ATXN7L1: variants seen among roughly 807,000 people sequenced by gnomAD.
ATXN7L1 encodes the protein ataxin 7 like 1.
A neutral mutation model predicts 70.8 loss-of-function variants in ATXN7L1; 15 were observed. That is an observed-to-expected ratio of 0.21 (90% CI 0.14 to 0.33). The LOEUF is 0.33. ATXN7L1 is among the 10% of genes least tolerant of loss of function. The pLI, the probability that ATXN7L1 is intolerant of heterozygous loss-of-function variation, is 1.00. For missense variants in ATXN7L1, 975 were observed against 1,097.1 expected (o/e 0.89, Z 1.57); for synonymous variants, 440 against 445.1 (o/e 0.99, Z 0.14).
intron 3 of ATXN7L1, among the ~76,000 whole-genome samples, chr7:105,757,757 A>AT (rs5886368): frequency 0.39 from 56,390 of 143,994 alleles, 12,620 homozygotes; most frequent in African/African-American, 0.62. Flanking sequence ...TAATTTTGAC[A>AT]TTTTTTTTTT....
intron 3 of ATXN7L1, among the ~76,000 whole-genome samples, chr7:105,708,994 C>T (rs1318564469): frequency 6.6e-6 from 1 of 152,160 alleles, no homozygotes; most frequent in Non-Finnish European, 1.5e-5. Flanking sequence ...AAATGCAGAT[C>T]CTTATTCTGT....
chr7:105,622,865 C>T lies in ATXN7L1; in HGVS notation c.1395+1210G>A, dbSNP rs574416717. Among the ~76,000 whole-genome samples, 53 of 152,252 alleles carry T rather than the reference C, an allele frequency of 3.5e-4. 1 individual carries two copies. The highest frequency in any genetic ancestry group is 2.4e-3 in the Admixed American group (36 of 15,294). On this transcript the variant is annotated intron_variant, in intron 8 of 11. Transcript: ENST00000419735. ...ACACCACTGGGTGAGGATGTAATAT[C>T]GGAGCAGCAGCTGACGTACAGGGAC...
At chr7:105,862,793 T>C (rs1333765876) in intron 2 of ATXN7L1, among the ~76,000 whole-genome samples, 1 of 152,138 alleles carries the variant, frequency 6.6e-6, no homozygotes, top group Non-Finnish European at 1.5e-5. Context: ...TCCCAGTTAA[T>C]GGAGAATGGG....
intron 3 of ATXN7L1, among the ~76,000 whole-genome samples, chr7:105,757,853 G>C (rs1213650403): frequency 6.6e-6 from 1 of 151,520 alleles, no homozygotes; most frequent in African/African-American, 2.4e-5. Flanking sequence ...GCCTCCAAAA[G>C]TACTGGGATT....
At chr7:105,800,364 G>T (rs991102046) in intron 2 of ATXN7L1, among the ~76,000 whole-genome samples, 2 of 152,052 alleles carry the variant, frequency 1.3e-5, no homozygotes, top group Admixed American at 6.5e-5. Flanking sequence ...ATCCTTCAAG[G>T]TCCAGCTTGG....
At position 105,772,316 on chromosome 7, in the gene ATXN7L1, C is replaced by T. The variant is rs376974983; in HGVS notation, c.355+16288G>A. 1.8e-4 allele frequency among the ~76,000 whole-genome samples: 27 copies of T among 152,138 alleles called. 1 individual carries two copies. The East Asian group carries it at 1.9e-3, about 11-fold the overall frequency. On this transcript the variant is annotated intron_variant, in intron 3 of 11. Coordinates refer to ENST00000419735, the MANE Select transcript of ATXN7L1 (RefSeq NM_020725.2). ...CTTGAACTCCTGACGTCAGGTGATCCGCCTGCCTAGGCCTCCCAAAGTGCT... is the reference window on the plus strand; with the variant it reads ...CTTGAACTCCTGACGTCAGGTGATCTGCCTGCCTAGGCCTCCCAAAGTGCT...
intron 3 of ATXN7L1, among the ~76,000 whole-genome samples, chr7:105,672,910 C>G (rs1803992053): frequency 6.6e-6 from 1 of 152,224 alleles, no homozygotes; most frequent in African/African-American, 2.4e-5. Flanking sequence ...AATGAAAAGC[C>G]AAATCCTTTT....
chr7:105,618,175 G>A (rs1456302706), intron 9 of ATXN7L1: 7 of 404,514 alleles, frequency 1.7e-5, no homozygotes, highest in African/African-American at 1.0e-4. Flanking sequence ...TTCCTTCCAC[G>A]TGTCCGGGAT....
At chr7:105,728,600 G>T (rs1330031743) in intron 3 of ATXN7L1, among the ~76,000 whole-genome samples, 2 of 152,114 alleles carry the variant, frequency 1.3e-5, no homozygotes, top group Non-Finnish European at 2.9e-5. Flanking sequence ...TCTGCCATCT[G>T]AGAAGGCCCA....
intron 3 of ATXN7L1, among the ~76,000 whole-genome samples, chr7:105,683,801 C>T (rs1476191567): frequency 2.0e-5 from 3 of 152,150 alleles, no homozygotes; most frequent in Non-Finnish European, 4.4e-5. Context: ...ACAAATGGGA[C>T]ACTGAGGCAC....
chr7:105,750,447 T>C (rs1010939716), intron 3 of ATXN7L1, among the ~76,000 whole-genome samples: 2 of 151,756 alleles, frequency 1.3e-5, no homozygotes, highest in African/African-American at 4.8e-5. Context: ...GGCTAATTTT[T>C]GATTGTTTTG....
chr7:105,805,740 G>T (rs565371446), intron 2 of ATXN7L1, among the ~76,000 whole-genome samples: 1 of 152,190 alleles, frequency 6.6e-6, no homozygotes, highest in East Asian at 1.9e-4. Flanking sequence ...GCAGTCGCAG[G>T]GGGAGGGGCA....
At chr7:105,701,414 A>G (rs1792438181) in intron 3 of ATXN7L1, among the ~76,000 whole-genome samples, 1 of 152,258 alleles carries the variant, frequency 6.6e-6, no homozygotes, top group Non-Finnish European at 1.5e-5. Flanking sequence ...AAACACATAC[A>G]CATAGAAAAA....
At chr7:105,625,670 A>T (rs574300109) in intron 7 of ATXN7L1, among the ~76,000 whole-genome samples, 1 of 152,352 alleles carries the variant, frequency 6.6e-6, no homozygotes, top group African/African-American at 2.4e-5. Flanking sequence ...GTATAAAACA[A>T]CCCAACACAT....
intron 9 of ATXN7L1, among the ~76,000 whole-genome samples, chr7:105,619,518 ATATATATATATATTTTTTTTTTTTTT>A (rs1183692849): frequency 1.2e-3 from 35 of 28,850 alleles, no homozygotes; most frequent in Admixed American, 1.7e-3. Flanking sequence ...ATATATATAT[ATATATATATATATTTTTTTTTTTTTT>A]TTTTTTTTTT....
intron 3 of ATXN7L1, among the ~76,000 whole-genome samples, chr7:105,725,497 G>A (rs925262610): frequency 1.3e-5 from 2 of 152,084 alleles, no homozygotes; most frequent in African/African-American, 4.8e-5. Context: ...CCCAGTGCAT[G>A]GATTGGCAGG....
intron 4 of ATXN7L1, among the ~76,000 whole-genome samples, chr7:105,657,584 C>T (rs192021748): frequency 1.3e-5 from 2 of 151,592 alleles, no homozygotes; most frequent in Non-Finnish European, 2.9e-5. Context: ...GTCGTCCCAG[C>T]TACCTGGGAG....
intron 2 of ATXN7L1, among the ~76,000 whole-genome samples, chr7:105,844,466 T>A (rs1183826601): frequency 6.6e-6 from 1 of 152,170 alleles, no homozygotes; most frequent in Non-Finnish European, 1.5e-5. Flanking sequence ...ATTAACATAA[T>A]AAAGGGCAAA....
chr7:105,614,357 G>GGAA lies in ATXN7L1; in HGVS notation c.1976_1977insTTC (p.Ser661dup). The GGAA allele has an allele frequency of 7.9e-7, 1 of 1,270,486 alleles. No homozygotes were observed. Among genetic ancestry groups the GGAA allele is most frequent in the Non-Finnish European group, 1.0e-6 (1 of 956,254 alleles). 78.7% of individuals were successfully genotyped at this position (1,270,486 alleles called of 1,614,324 possible). A position where few individuals can be genotyped will look rare whatever the true frequency, so the allele number is the denominator to read the frequency against. ...ACGAGAGGGATGTCTGCAAGGAAGA[G>GGAA]GAGGAGGAGGAGGAGGAGGAGGAAG... On this transcript the variant is annotated inframe_insertion, in exon 10 of 12. Transcript: ENST00000419735. The surrounding 1 kb of genome is among the most constrained non-coding windows in gnomAD (Gnocchi z 4.3).
Sources: gnomAD v4.1 joint callset for allele counts (sites outside exome capture counted in the v4.1 genomes callset) on GRCh38, gnomAD v4.1.1 for gene constraint, Gnocchi (gnomAD v3.1) non-coding constraint, MANE v1.5 for transcripts, NCBI Gene and HGNC (gene_info 2026-07-23, HGNC 2026-07-21) for gene names.